GHRHR: variants seen among roughly 807,000 people sequenced by gnomAD.
The protein encoded by GHRHR is growth hormone-releasing hormone receptor.
GHRHR carries 40 observed loss-of-function variants against 58.3 expected under a neutral mutation model. The ratio of observed to expected loss-of-function variants is 0.69; its 90% CI spans 0.53 to 0.89. GHRHR has a LOEUF of 0.89. Among genes scored for constraint, GHRHR ranks in the 40% least tolerant of loss-of-function variants. The pLI is 0.00. For synonymous variants in GHRHR, 249 were observed against 216.6 expected, an observed-to-expected ratio of 1.15 and a Z score of -1.31; for missense variants, 551 against 541.3, an observed-to-expected ratio of 1.02 and a Z score of -0.18.
chr7:30,965,630 T>G (rs969688639), intron 1 of GHRHR, among the ~76,000 whole-genome samples: 2 of 152,208 alleles, frequency 1.3e-5, no homozygotes, highest in Admixed American at 1.3e-4. Flanking sequence ...GTGGGCACTG[T>G]CTGTTCATCC....
intron 1 of GHRHR, among the ~76,000 whole-genome samples, chr7:30,966,293 T>G (rs1269177219): frequency 2.6e-5 from 4 of 151,822 alleles, no homozygotes; most frequent in Non-Finnish European, 5.9e-5. Context: ...TGGTCTTACA[T>G]CTGCTACACT....
At chr7:30,971,344 T>G in intron 5 of GHRHR, 128 bp downstream of exon 5, 3 of 701,144 alleles carry the variant, frequency 4.3e-6, no homozygotes, top group South Asian at 3.0e-5. Flanking sequence ...TGTCTAACTT[T>G]CCCTTCCCTT....
chr7:30,969,126 C>A lies in GHRHR; in HGVS notation c.224C>A (p.Thr75Asn). ...WPTAGSGEWV[T>N]LPCPDFFSHF... ...ACGGCAGGCTCTGGCGAGTGGGTCA[C>A]CCTCCCCTGCCCGGATTTCTTCTCT... Residue 75 changes from threonine to asparagine, a missense_variant, in exon 3 of 13, where the codon ACC (threonine) becomes AAC (asparagine). Physicochemically the swap from Thr to Asn is moderately conservative, Grantham distance 65. Transcript: ENST00000326139. 1 of 1,575,402 alleles carries A rather than the reference C, an allele frequency of 6.3e-7. No homozygotes were observed. The highest frequency in any genetic ancestry group is 8.6e-7 in the Non-Finnish European group (1 of 1,160,350).
intron 9 of GHRHR, 81 bp from the exon 10 acceptor site, chr7:30,975,696 C>T (rs1324794713): frequency 8.7e-6 from 7 of 802,202 alleles, no homozygotes; most frequent in Non-Finnish European, 1.4e-5. Flanking sequence ...TTCTAGTCCC[C>T]AAATGGGCTG....
intron 4 of GHRHR, 71 bp downstream of exon 4, chr7:30,970,035 G>A (rs1584412506): frequency 1.3e-6 from 1 of 789,932 alleles, no homozygotes; most frequent in East Asian, 2.4e-5. Context: ...ACAACTGTAG[G>A]GGCCGCCATT....
rs751896982 is a variant in GHRHR, at chr7:30,972,068, C to A, written c.570C>A (p.Asp190Glu). The change falls in exon 6 of 13, where the codon GAC becomes GAA. Residue 190 changes from aspartate to glutamate, a missense_variant. Coordinates refer to ENST00000326139, the MANE Select transcript of GHRHR (RefSeq NM_000823.4). ...AGGATGCTGCCCTTTTCCACAGCGA[C>A]GACACTGACCACTGCAGCTTCTCCA... The part of the protein sequence containing the change: ...FLKDAALFHS[D>E]DTDHCSFSTV... The A allele has an allele frequency of 9.9e-6, 16 of 1,613,932 alleles. No homozygotes were observed. The highest frequency in any genetic ancestry group is 1.4e-5 in the Non-Finnish European group (16 of 1,180,026).
At chr7:30,978,042 G>A (rs1416409085) in intron 12 of GHRHR, among the ~76,000 whole-genome samples, 1 of 152,162 alleles carries the variant, frequency 6.6e-6, no homozygotes, top group Non-Finnish European at 1.5e-5. Context: ...TTCCACCTTT[G>A]TGCACCTGCA....
intron 6 of GHRHR, 105 bp from the exon 7 acceptor site, chr7:30,973,880 A>C: frequency 8.6e-7 from 1 of 1,165,046 alleles, no homozygotes; most frequent in Non-Finnish European, 1.3e-6. Context: ...GTCCCAGCCT[A>C]ACATGGAGGG....
At chr7:30,972,937 C>T (rs1792505794) in intron 6 of GHRHR, among the ~76,000 whole-genome samples, 1 of 152,198 alleles carries the variant, frequency 6.6e-6, no homozygotes, top group African/African-American at 2.4e-5. Flanking sequence ...GTCCCTTGAA[C>T]AATGTGGGTT....
intron 9 of GHRHR, among the ~76,000 whole-genome samples, chr7:30,975,279 C>T (rs796857157): frequency 2.0e-5 from 3 of 152,278 alleles, no homozygotes; most frequent in African/African-American, 7.2e-5. Context: ...TTTGATGAGC[C>T]TAATGTGCTG....
At chr7:30,974,565 G>A in intron 8 of GHRHR, 76 bp downstream of exon 8, 5 of 1,047,776 alleles carry the variant, frequency 4.8e-6, no homozygotes, top group South Asian at 2.5e-5. Context: ...GCCATGGGCT[G>A]TTCTCCAGGC....
In GHRHR at chr7:30,974,453, C is replaced by T. The variant is rs774492929; in HGVS notation, c.776C>T (p.Thr259Met). The change falls in exon 8 of 13, where the codon ACG becomes ATG. Residue 259 changes from threonine to methionine, a missense_variant. Physicochemically the swap from Thr to Met is moderately conservative, Grantham distance 81 (BLOSUM62 -1). Transcript: ENST00000326139. ...GWGLPVLFTG[T>M]WVSCKLAFED... ...GGGCTGCCCGTGCTCTTCACTGGCA[C>T]GTGGGTGAGCTGCAAACTGGCCTTC... 1.5e-5 allele frequency: 25 copies of T among 1,612,986 alleles called. No individual in the cohort carries two copies. The highest frequency in any genetic ancestry group is 3.3e-5 in the South Asian group (3 of 91,058).
rs773323831 is a variant in GHRHR, at chr7:30,968,911, AGAG to A, written c.139_141del (p.Glu47del). 6.2e-6 allele frequency: 10 copies of A among 1,613,408 alleles called. No homozygotes were observed. The highest frequency in any genetic ancestry group is 1.6e-4 in the Middle Eastern group (1 of 6,082). On this transcript the variant is annotated inframe_deletion, in exon 2 of 13. Transcript: ENST00000326139. ...ATGAGAGTGCCTGTCTACAAGCAGC[AGAG>A]GAGATGCCCAACACCACCCTGGGTA...
At chr7:30,969,008 T>C (rs1254322270) in intron 2 of GHRHR, 55 bp from the exon 3 acceptor site, 5 of 1,547,004 alleles carry the variant, frequency 3.2e-6, no homozygotes, top group African/African-American at 2.7e-5. Context: ...CCTCGGATTA[T>C]TGGGACAGCC....
intron 1 of GHRHR, among the ~76,000 whole-genome samples, chr7:30,966,819 T>C (rs1321587314): frequency 6.6e-6 from 1 of 152,108 alleles, no homozygotes; most frequent in Non-Finnish European, 1.5e-5. Flanking sequence ...ATTTTTGTAT[T>C]TTTGTAGAGA....
chr7:30,970,365 A>G (rs1472875824), intron 4 of GHRHR, among the ~76,000 whole-genome samples: 2 of 152,156 alleles, frequency 1.3e-5, no homozygotes, highest in Admixed American at 6.5e-5. Flanking sequence ...AAGTGAGGGA[A>G]ACTCAAGCCC....
intron 1 of GHRHR, among the ~76,000 whole-genome samples, chr7:30,966,700 T>C (rs1430274470): frequency 6.6e-6 from 1 of 152,034 alleles, no homozygotes; most frequent in East Asian, 1.9e-4. Flanking sequence ...TGGAGTACAG[T>C]GGCACAATCT....
At chr7:30,975,463 G>A (rs150147386) in intron 9 of GHRHR, among the ~76,000 whole-genome samples, 60 of 152,328 alleles carry the variant, frequency 3.9e-4, no homozygotes, top group African/African-American at 1.4e-3. Context: ...CTTAGCAACT[G>A]TGCAAAGTGA....
rs4988503 is a variant in GHRHR, at chr7:30,976,329, A to G, written c.975-100A>G. ...GCGTTTCCCAAGGTGGCTGTTCCAC[A>G]GAGTGGATATAGGGAGGTGGTAGGA... On this transcript the variant is annotated intron_variant, in intron 10 of 12. Coordinates refer to ENST00000326139, the MANE Select transcript of GHRHR (RefSeq NM_000823.4). 8,187 of 1,105,362 alleles carry G rather than the reference A, an allele frequency of 7.4e-3. 54 individuals are homozygous for G. The highest frequency in any genetic ancestry group is 9.2e-3 in the Non-Finnish European group (6,694 of 726,472). The allele number at this position is 1,105,362 out of a possible 1,614,324, so 68.5% of individuals were successfully genotyped here. A position where few individuals can be genotyped will look rare whatever the true frequency, so the allele number is the denominator to read the frequency against.
Sources: allele counts gnomAD v4.1 joint callset (sites outside exome capture counted in the v4.1 genomes callset), GRCh38; gene constraint gnomAD v4.1.1; transcripts MANE v1.5; gene names NCBI Gene and HGNC (gene_info 2026-07-23, HGNC 2026-07-21).